The following SYNPO2L variants were observed in gnomAD, a reference collection of about 807,000 sequenced individuals.
SYNPO2L encodes synaptopodin 2-like protein.
SYNPO2L carries 34 observed loss-of-function variants against 47.5 expected under a neutral mutation model. The observed-to-expected ratio is 0.72, with a 90% confidence interval of 0.54 to 0.95. The LOEUF is 0.95. Among genes scored for constraint, SYNPO2L ranks in the 40% least tolerant of loss-of-function variants. The pLI is 0.00. For synonymous variants in SYNPO2L, 536 were observed against 524.9 expected (o/e 1.02, Z -0.29); for missense variants, 1,246 against 1,282.0 (o/e 0.97, Z 0.43).
At chr10:73,650,995 C>G (rs745559882) in intron 3 of SYNPO2L, 2 of 1,613,332 alleles carry the variant, frequency 1.2e-6, no homozygotes, top group Admixed American at 3.3e-5. Context: ...CTGATGGGCT[C>G]AAAGGTCTCC....
rs781475255 is a variant in SYNPO2L at position 73,647,925 on chromosome 10, A to G, written c.1727T>C (p.Met576Thr). ...TAGGAAGATAGAAGCGGTGGAGGTC[A>G]TGGCAGCTGCGCTAGGAGGAGCGGG... ...EPPAPPSAAA[M>T]TSTASIFLSA... The change falls in exon 4 of 4, where the codon ATG becomes ACG. Residue 576 changes from methionine (M) to threonine (T), a missense_variant. Met to Thr is a moderately conservative substitution (Grantham distance 81). Around this residue, in one of 3 missense-constraint regions of SYNPO2L, gnomAD observed 1,037 missense variants for 1,021.5 expected, o/e 1.02. Coordinates refer to ENST00000394810, the MANE Select transcript of SYNPO2L (RefSeq NM_001114133.3). 5 of 1,528,860 alleles carry G rather than the reference A, an allele frequency of 3.3e-6. No homozygotes were observed. In the South Asian group the frequency reaches 5.2e-5, roughly 16 times the overall value. The allele number at this position is 1,528,860 out of a possible 1,614,324, so 94.7% of individuals were successfully genotyped here.
rs779575701 is a variant in SYNPO2L, at chr10:73,653,530, G to T, written c.381C>A (p.Ser127Arg). 1.3e-6 allele frequency: 2 copies of T among 1,551,956 alleles called. No homozygotes were observed. The highest frequency in any genetic ancestry group is 3.9e-5 in the Admixed American group (2 of 51,014). Reference protein sequence around the residue: ...APVPQPLQPGSLRSPPDSEAY... With the variant: ...APVPQPLQPGRLRSPPDSEAY... Reference sequence around the variant, plus strand: ...CCTCACTATCAGGAGGTGAACGAAGGCTCCCAGGCTGAAGAGGCTGAGGAA... The same window carrying T: ...CCTCACTATCAGGAGGTGAACGAAGTCTCCCAGGCTGAAGAGGCTGAGGAA... Residue 127 changes from serine to arginine, a missense_variant, in exon 3 of 4, where the codon AGC becomes AGA. This residue lies in a region of SYNPO2L where 148 missense variants were observed against 204.8 expected (regional missense o/e 0.72). Coordinates refer to ENST00000394810, the MANE Select transcript of SYNPO2L (RefSeq NM_001114133.3).
At chr10:73,650,029 T>G in intron 3 of SYNPO2L, 2 of 985,376 alleles carry the variant, frequency 2.0e-6, no homozygotes, top group Non-Finnish European at 2.4e-6. Flanking sequence ...GACTATGTGC[T>G]AAAGGGAACC....
rs977884516 is a variant in SYNPO2L, at chr10:73,653,318, C to T, written c.593G>A (p.Arg198His). ...IPGPPSQGDS[R>H]VSSPSWEDGA... ...ATCCTCCCAAGACGGGGAGCTCACACGGCTGTCACCCTGGCTGGGAGGGCC... is the reference window on the plus strand; with the variant it reads ...ATCCTCCCAAGACGGGGAGCTCACATGGCTGTCACCCTGGCTGGGAGGGCC... Residue 198 changes from arginine (R) to histidine (H), a missense_variant, in exon 3 of 4, where the codon CGT becomes CAT. Physicochemically the swap from Arg to His is conservative, Grantham distance 29. Coordinates refer to ENST00000394810, the MANE Select transcript of SYNPO2L (RefSeq NM_001114133.3). 11 of 1,551,584 alleles carry T rather than the reference C, an allele frequency of 7.1e-6. No homozygotes were observed. Among genetic ancestry groups the T allele is most frequent in the East Asian group, 2.4e-5 (1 of 40,912 alleles).
At chr10:73,653,958 G>T in intron 2 of SYNPO2L, 171 bp downstream of exon 2, 1 of 900,798 alleles carries the variant, frequency 1.1e-6, no homozygotes, top group Non-Finnish European at 1.6e-6. Flanking sequence ...CTTAATTGCA[G>T]ATACATTCAA....
At chr10:73,654,806 C>G (rs1410961499) in intron 1 of SYNPO2L, among the ~76,000 whole-genome samples, 2 of 151,842 alleles carry the variant, frequency 1.3e-5, no homozygotes, top group South Asian at 2.1e-4. Flanking sequence ...TGTCACTGCA[C>G]TCCAGCCTGG....
intron 3 of SYNPO2L, among the ~76,000 whole-genome samples, chr10:73,652,661 C>T (rs1252809202): frequency 6.6e-6 from 1 of 152,038 alleles, no homozygotes; most frequent in Non-Finnish European, 1.5e-5. Flanking sequence ...AAGAGCCAAA[C>T]TCCATCTCAA....
At position 73,655,851 on chromosome 10, in the gene SYNPO2L, C is replaced by G. The variant is rs113166136; in HGVS notation, c.72G>C (p.Gly24=). ...GAPWGFRLHG[G]AEQRKPLQVS... ...CCTGTAACGGTTTCCTCTGCTCGGCCCCCCCATGAAGTCGGAAGCCCCAGG... is the reference window on the plus strand; with the variant it reads ...CCTGTAACGGTTTCCTCTGCTCGGCGCCCCCATGAAGTCGGAAGCCCCAGG... The change falls in exon 1 of 4, where the codon GGG becomes GGC. Residue 24 remains glycine (G), a synonymous_variant. Transcript: ENST00000394810. 5.4e-5 allele frequency: 83 copies of G among 1,551,210 alleles called. 1 individual carries two copies. The Admixed American group carries it at 6.3e-4, about 12-fold the overall frequency.
Position 73,653,200 on chromosome 10 carries a change from A to G in SYNPO2L, c.711T>C (p.Pro237=). ...PGPHLIPMVG[P]VPHPVAEDLT... is the part of the protein sequence containing the mutation. The stretch of plus-strand genomic sequence containing the variant: ...GATCTTCTGCCACTGGGTGGGGAAC[A>G]GGCCCCACCATAGGGATGAGATGAG... The change falls in exon 3 of 4, where the codon CCT becomes CCC. Residue 237 remains proline, a synonymous_variant. Transcript: ENST00000394810. 6.8e-7 allele frequency: 1 copy of G among 1,472,118 alleles called. No individual in the cohort carries two copies. Among genetic ancestry groups the G allele is most frequent in the South Asian group, 1.4e-5 (1 of 70,466 alleles). The allele number at this position is 1,472,118 out of a possible 1,614,324, so 91.2% of individuals were successfully genotyped here.
rs1181650069 is a variant in SYNPO2L, at chr10:73,647,510, C to A, written c.2142G>T (p.Pro714=). 2.6e-6 allele frequency: 4 copies of A among 1,539,936 alleles called. No individual in the cohort carries two copies. In the African/African-American group the frequency reaches 4.2e-5, roughly 16 times the overall value. The change falls in exon 4 of 4, where the codon CCG becomes CCT. Residue 714 remains proline (P), a synonymous_variant. Coordinates refer to ENST00000394810, the MANE Select transcript of SYNPO2L (RefSeq NM_001114133.3). ...KTPPPMAPKT[P]PPMTPKTPPP... Reference sequence around the variant, plus strand: ...GTGGAGTCTTAGGAGTCATAGGGGGCGGGGTCTTGGGAGCCATTGGAGGGG... The same window carrying A: ...GTGGAGTCTTAGGAGTCATAGGGGGAGGGGTCTTGGGAGCCATTGGAGGGG...
In SYNPO2L at chr10:73,645,488, G is replaced by T; in HGVS notation, c.*1230C>A. ...AAGCTCATGAGGCAATGAAGCCAAT[G>T]ATTTGTTCATTCTCGGAGGGAATTT... is the stretch of plus-strand genomic sequence containing the variant. On this transcript the variant is annotated 3_prime_UTR_variant, in exon 4 of 4. Coordinates refer to ENST00000394810, the MANE Select transcript of SYNPO2L (RefSeq NM_001114133.3). 3.0e-6 allele frequency: 3 copies of T among 991,018 alleles called. No homozygotes were observed. Among genetic ancestry groups the T allele is most frequent in the Non-Finnish European group, 3.6e-6 (3 of 834,156 alleles). The allele number at this position is 991,018 out of a possible 1,614,324, so 61.4% of individuals were successfully genotyped here.
Position 73,656,014 on chromosome 10 carries a change from C to T in SYNPO2L, c.-92G>A, listed in dbSNP as rs2081877782. On this transcript the variant is annotated 5_prime_UTR_variant, in exon 1 of 4. Coordinates refer to ENST00000394810, the MANE Select transcript of SYNPO2L (RefSeq NM_001114133.3). ...AACCCCGTCTGGGCTTCCTGTCCGG[C>T]TGTCCTGCTCCTGCTGCCCCAGGCC... is the stretch of plus-strand genomic sequence containing the variant. The T allele has an allele frequency of 1.8e-6, 2 of 1,103,118 alleles. No homozygotes were observed. The highest frequency in any genetic ancestry group is 2.7e-5 in the Admixed American group (1 of 36,490). 68.3% of individuals were successfully genotyped at this position (1,103,118 alleles called of 1,614,324 possible).
chr10:73,650,305 A>AT lies in SYNPO2L; in HGVS notation c.773-1427dup, dbSNP rs1166252355. 5 of 930,982 alleles carry AT rather than the reference A, an allele frequency of 5.4e-6. 2 individuals are homozygous for AT. The highest frequency in any genetic ancestry group is 9.7e-5 in the South Asian group (2 of 20,614). 57.7% of individuals were successfully genotyped at this position (930,982 alleles called of 1,614,324 possible). On this transcript the variant is annotated intron_variant, in intron 3 of 3. Coordinates refer to ENST00000394810, the MANE Select transcript of SYNPO2L (RefSeq NM_001114133.3). The stretch of plus-strand genomic sequence containing the variant: ...AGTGGAAAGTAGATGGAACTTTTTC[A>AT]TTTTTGTCATTCCTCTCATCCCAGT...
chr10:73,647,698 G>C lies in SYNPO2L; in HGVS notation c.1954C>G (p.Leu652Val). The C allele has an allele frequency of 6.2e-7, 1 of 1,614,166 alleles. No homozygotes were observed. Among genetic ancestry groups the C allele is most frequent in the South Asian group, 1.1e-5 (1 of 91,078 alleles). Residue 652 changes from leucine to valine, a missense_variant, in exon 4 of 4, where the codon CTG becomes GTG. By Grantham distance (32) the Leu-to-Val change is conservative. Coordinates refer to ENST00000394810, the MANE Select transcript of SYNPO2L (RefSeq NM_001114133.3). ...TCCAGGTTCTGTACCAGCGATAGCA[G>C]CTCGGGGTTGGGCGAGTTCTTCGTC... ...EETKNSPNPE[L>V]LSLVQNLDEK...
At chr10:73,653,680 A>G in intron 2 of SYNPO2L, 27 bp from the exon 3 acceptor site, 1 of 1,513,610 alleles carries the variant, frequency 6.6e-7, no homozygotes, top group Non-Finnish European at 8.9e-7. Context: ...ACAGAGCTTG[A>G]GAGATGGGCT....
chr10:73,653,414 G>C lies in SYNPO2L; in HGVS notation c.497C>G (p.Thr166Ser), dbSNP rs1293013190. 2 of 1,551,512 alleles carry C rather than the reference G, an allele frequency of 1.3e-6. No homozygotes were observed. Among genetic ancestry groups the C allele is most frequent in the South Asian group, 2.4e-5 (2 of 84,066 alleles). The change falls in exon 3 of 4, where the codon ACC (threonine) becomes AGC (serine). Residue 166 changes from threonine to serine, a missense_variant. By Grantham distance (58) the Thr-to-Ser change is moderately conservative. This residue lies in a region of SYNPO2L where 148 missense variants were observed against 204.8 expected (regional missense o/e 0.72). Transcript: ENST00000394810. Reference sequence around the variant, plus strand: ...CTCATCAGGTGGGGCACCCGGAGGGGTGGGCCTTGTGGGGCCTCGGCGGCG... The same window carrying C: ...CTCATCAGGTGGGGCACCCGGAGGGCTGGGCCTTGTGGGGCCTCGGCGGCG... ...RPRRRGPTRP[T>S]PPGAPPDEVY...
At position 73,646,110 on chromosome 10, in the gene SYNPO2L, C is replaced by A. The variant is rs1321790205; in HGVS notation, c.*608G>T. 2 of 985,534 alleles carry A rather than the reference C, an allele frequency of 2.0e-6. No homozygotes were observed. Among genetic ancestry groups the A allele is most frequent in the African/African-American group, 3.5e-5 (2 of 57,174 alleles). The allele number at this position is 985,534 out of a possible 1,614,324, so 61.0% of individuals were successfully genotyped here. On this transcript the variant is annotated 3_prime_UTR_variant, in exon 4 of 4. Coordinates refer to ENST00000394810, the MANE Select transcript of SYNPO2L (RefSeq NM_001114133.3). Reference sequence around the variant, plus strand: ...AAGTGCTGGGATTACCGGCGTGAGCCACCGTGCCCGGCCTCAGATTGGGTC... The same window carrying A: ...AAGTGCTGGGATTACCGGCGTGAGCAACCGTGCCCGGCCTCAGATTGGGTC...
At position 73,653,195 on chromosome 10, in the gene SYNPO2L, G is replaced by C; in HGVS notation, c.716C>G (p.Pro239Arg). Residue 239 changes from proline to arginine, a missense_variant, in exon 3 of 4, where the codon CCC (proline) becomes CGC (arginine). Physicochemically the swap from Pro to Arg is moderately radical, Grantham distance 103. Coordinates refer to ENST00000394810, the MANE Select transcript of SYNPO2L (RefSeq NM_001114133.3). ...PHLIPMVGPV[P>R]HPVAEDLTTT... The stretch of plus-strand genomic sequence containing the variant: ...AGTAAGATCTTCTGCCACTGGGTGG[G>C]GAACAGGCCCCACCATAGGGATGAG... 1 of 1,462,218 alleles carries C rather than the reference G, an allele frequency of 6.8e-7. No homozygotes were observed. The highest frequency in any genetic ancestry group is 1.5e-5 in the South Asian group (1 of 68,824). 90.6% of individuals were successfully genotyped at this position (1,462,218 alleles called of 1,614,324 possible).
Position 73,647,109 on chromosome 10 carries a change from T to C in SYNPO2L, c.2543A>G (p.Asp848Gly). The change falls in exon 4 of 4, where the codon GAT (aspartate) becomes GGT (glycine). Residue 848 changes from aspartate (D) to glycine (G), a missense_variant. By Grantham distance (94) the Asp-to-Gly change is moderately conservative. This residue lies in a region of SYNPO2L where 1,037 missense variants were observed against 1,021.5 expected (regional missense o/e 1.02). Coordinates refer to ENST00000394810, the MANE Select transcript of SYNPO2L (RefSeq NM_001114133.3). Reference protein sequence around the residue: ...ATPKQGIKALDFMRHQPYQLK... With the variant: ...ATPKQGIKALGFMRHQPYQLK... ...TTGATAGGGCTGATGCCGCATAAAA[T>C]CTAGAGCCTTGATGCCCTGCTTGGG... The C allele has an allele frequency of 6.2e-7, 1 of 1,613,374 alleles. No individual in the cohort carries two copies. Among genetic ancestry groups the C allele is most frequent in the Non-Finnish European group, 8.5e-7 (1 of 1,179,864 alleles).
Sources: gnomAD v4.1 joint callset for allele counts (sites outside exome capture counted in the v4.1 genomes callset) on GRCh38, gnomAD v4.1.1 for gene constraint, gnomAD v4.1.1 regional missense constraint, MANE v1.5 for transcripts, NCBI Gene and HGNC (gene_info 2026-07-23, HGNC 2026-07-21) for gene names.